The following ZMYM2 variants were observed in gnomAD, a reference collection of about 807,000 sequenced individuals.
The protein encoded by ZMYM2 is zinc finger MYM-type protein 2.
In ZMYM2, 56 loss-of-function variants were observed where a neutral mutation model predicts 162.8. The observed-to-expected ratio is 0.34, with a 90% CI of 0.28 to 0.43. ZMYM2 has a LOEUF of 0.43. Among genes scored for constraint, ZMYM2 ranks in the 20% least tolerant of loss-of-function variants. The pLI, the probability that ZMYM2 is intolerant of heterozygous loss-of-function variation, is 1.00. For synonymous variants in ZMYM2, 510 were observed against 541.6 expected (o/e 0.94, Z 0.81); for missense variants, 1,275 against 1,621.8 (o/e 0.79, Z 3.67).
At chr13:19,978,227 C>T (rs954815680) in intron 2 of ZMYM2, among the ~76,000 whole-genome samples, 1 of 151,972 alleles carries the variant, frequency 6.6e-6, no homozygotes, top group Non-Finnish European at 1.5e-5. Context: ...GCCATATACC[C>T]TTCCAAAAAT....
intron 6 of ZMYM2, among the ~76,000 whole-genome samples, chr13:20,008,290 C>G (rs935656800): frequency 6.6e-6 from 1 of 152,088 alleles, no homozygotes; most frequent in Non-Finnish European, 1.5e-5. Flanking sequence ...GCCACCATGC[C>G]CGACTAATTT....
At chr13:19,914,900 C>T in the ZMYM2 span, among the ~76,000 whole-genome samples, 1 of 152,072 alleles carries the variant, frequency 6.6e-6, no homozygotes, top group Middle Eastern at 3.2e-3. Context: ...GCAAGGTTCC[C>T]CAAGAGGCTG....
rs1192010752 is a variant in ZMYM2 at position 20,088,287 on chromosome 13, T to G, written c.*2273T>G. On this transcript the variant is annotated 3_prime_UTR_variant, in exon 25 of 25. Coordinates refer to ENST00000610343, the MANE Select transcript of ZMYM2 (RefSeq NM_197968.4). The stretch of plus-strand genomic sequence containing the variant: ...TCACTTCACCTAGAACACATTTCAT[T>G]GATTCTTGGATCTTAGTTTATGTGG... The G allele has an allele frequency of 9.6e-6, 2 of 208,226 alleles. No homozygotes were observed. The highest frequency in any genetic ancestry group is 2.0e-5 in the Non-Finnish European group (2 of 102,160). The allele number at this position is 208,226 out of a possible 1,614,324, so 12.9% of individuals were successfully genotyped here. A position where few individuals can be genotyped will look rare whatever the true frequency, so the allele number is the denominator to read the frequency against.
At chr13:19,962,515 A>ATTTTT (rs1166788980) in intron 2 of ZMYM2, among the ~76,000 whole-genome samples, 17 of 38,936 alleles carry the variant, frequency 4.4e-4, no homozygotes, top group East Asian at 1.1e-3. Context: ...ATATATATAT[A>ATTTTT]TTTTTTTTTT....
chr13:20,053,003 T>G (rs1955500079), intron 14 of ZMYM2, among the ~76,000 whole-genome samples: 1 of 152,240 alleles, frequency 6.6e-6, no homozygotes, highest in Non-Finnish European at 1.5e-5. Context: ...CAATTTATTT[T>G]TCTTTTGGTG....
the ZMYM2 span, among the ~76,000 whole-genome samples, chr13:19,881,822 T>A: frequency 1.3e-5 from 2 of 150,682 alleles, no homozygotes; most frequent in Non-Finnish European, 3.0e-5. Flanking sequence ...CCGTCTCTAT[T>A]CTAAATAAAA....
At chr13:20,047,544 C>T (rs1434581052) in intron 12 of ZMYM2, among the ~76,000 whole-genome samples, 3 of 152,124 alleles carry the variant, frequency 2.0e-5, no homozygotes, top group Non-Finnish European at 4.4e-5. Context: ...CATGTTTAGC[C>T]ATGAACATTT....
At chr13:19,971,262 A>ATATAT (rs1329532735) in intron 2 of ZMYM2, among the ~76,000 whole-genome samples, 19 of 78,330 alleles carry the variant, frequency 2.4e-4, no homozygotes, top group African/African-American at 4.2e-4. Context: ...ATATATATAT[A>ATATAT]TTTTTTTTTT....
Position 20,082,063 on chromosome 13 carries a change from A to T in ZMYM2, c.3501A>T (p.Gly1167=). 1.2e-6 allele frequency: 2 copies of T among 1,607,260 alleles called. No homozygotes were observed. The highest frequency in any genetic ancestry group is 1.7e-6 in the Non-Finnish European group (2 of 1,177,940). The change falls in exon 22 of 25, where the codon GGA becomes GGT. Residue 1167 remains glycine, a synonymous_variant. Coordinates refer to ENST00000610343, the MANE Select transcript of ZMYM2 (RefSeq NM_197968.4). ...NRKDNIFIDP[G]YQTFEQELNK... ...AAGACAACATATTTATTGATCCTGG[A>T]TACCAAACATTTGAGCAAGAATTGA...
the ZMYM2 span, among the ~76,000 whole-genome samples, chr13:19,885,979 A>ATGTGTATATATATATATG: frequency 1.5e-4 from 5 of 34,072 alleles, 2 homozygotes; most frequent in East Asian, 2.0e-3. Flanking sequence ...ACACATATAT[A>ATGTGTATATATATATATG]TGTATATACA....
chr13:19,930,930 G>A, the ZMYM2 span, among the ~76,000 whole-genome samples: 1 of 150,598 alleles, frequency 6.6e-6, no homozygotes, highest in Admixed American at 6.6e-5. Context: ...AAGAGGTCAG[G>A]AGATCGAGAC....
chr13:19,970,140 G>A (rs1164528662), intron 2 of ZMYM2: 2 of 793,668 alleles, frequency 2.5e-6, no homozygotes, highest in African/African-American at 3.8e-5. Flanking sequence ...ATCAAAAACA[G>A]TCATTACACT....
At chr13:19,987,572 C>CGTGTGTGT (rs36128018) in intron 2 of ZMYM2, among the ~76,000 whole-genome samples, 1,558 of 133,324 alleles carry the variant, frequency 0.012, 38 homozygotes, top group African/African-American at 0.04. Flanking sequence ...CGCCCCGCTA[C>CGTGTGTGT]GTGTGTGTGT....
the ZMYM2 span, among the ~76,000 whole-genome samples, chr13:19,878,055 A>AG: frequency 2.1e-4 from 20 of 93,520 alleles, no homozygotes; most frequent in African/African-American, 6.0e-4. Flanking sequence ...CTTTTTGATT[A>AG]CTTTTTTTTT....
intron 21 of ZMYM2, among the ~76,000 whole-genome samples, chr13:20,081,082 T>G (rs1373031042): frequency 6.6e-6 from 1 of 152,220 alleles, no homozygotes; most frequent in Non-Finnish European, 1.5e-5. Flanking sequence ...TCCTTCTGGT[T>G]GTTTTGTATT....
At chr13:20,004,814 A>G (rs1950625825) in intron 4 of ZMYM2, among the ~76,000 whole-genome samples, 1 of 152,154 alleles carries the variant, frequency 6.6e-6, no homozygotes, top group Non-Finnish European at 1.5e-5. Flanking sequence ...AGTTTTCCCA[A>G]TATTTGAAAT....
intron 3 of ZMYM2, among the ~76,000 whole-genome samples, chr13:19,995,407 T>C (rs980286625): frequency 1.3e-5 from 2 of 152,270 alleles, no homozygotes; most frequent in Non-Finnish European, 1.5e-5. Flanking sequence ...AGCAATACTT[T>C]TTTTTCTTAT....
At chr13:19,968,699 C>T (rs900221067) in intron 2 of ZMYM2, among the ~76,000 whole-genome samples, 5 of 152,196 alleles carry the variant, frequency 3.3e-5, no homozygotes, top group African/African-American at 9.6e-5. Context: ...TTCTTGACTC[C>T]ATTGTAGCCA....
At chr13:19,871,675 C>T in the ZMYM2 span, among the ~76,000 whole-genome samples, 1 of 152,154 alleles carries the variant, frequency 6.6e-6, no homozygotes, top group Non-Finnish European at 1.5e-5. Flanking sequence ...AAAAAAATCT[C>T]TTTAGCACAT....
Sources: allele counts gnomAD v4.1 joint callset (sites outside exome capture counted in the v4.1 genomes callset), GRCh38; gene constraint gnomAD v4.1.1; transcripts MANE v1.5; gene names NCBI Gene and HGNC (gene_info 2026-07-23, HGNC 2026-07-21).